Variants in TBX19 observed in about 807,000 individuals in gnomAD.
The protein encoded by TBX19 is T-box transcription factor TBX19.
Under a neutral mutation model 40.9 loss-of-function variants are expected in TBX19, and 33 were observed. That is an observed-to-expected ratio of 0.81 (90% CI 0.61 to 1.08). The LOEUF is 1.08. Among genes scored for constraint, TBX19 ranks in the 50% least tolerant of loss-of-function variants. TBX19 has a pLI of 0.00. For missense variants in TBX19, 494 were observed against 574.0 expected (o/e 0.86, Z 1.42); for synonymous variants, 220 against 225.0 (o/e 0.98, Z 0.20).
chr1:168,294,770 G>C (rs1649058314), intron 3 of TBX19, among the ~76,000 whole-genome samples: 1 of 151,948 alleles, frequency 6.6e-6, no homozygotes, highest in African/African-American at 2.4e-5. Flanking sequence ...CCAAAGTGTT[G>C]GGATTACAGG....
intron 4 of TBX19, among the ~76,000 whole-genome samples, chr1:168,298,822 C>CCCTTCCTTTCCTTCCTT (rs1553289837): frequency 1.0e-4 from 1 of 9,786 alleles, no homozygotes; most frequent in Admixed American, 9.4e-4. Context: ...TCCCTCCCTT[C>CCCTTCCTTTCCTTCCTT]CTTTCTTTCT....
intron 5 of TBX19, among the ~76,000 whole-genome samples, chr1:168,304,796 G>A (rs1186383243): frequency 6.6e-6 from 1 of 152,230 alleles, no homozygotes; most frequent in African/African-American, 2.4e-5. Context: ...TTTCAGGACT[G>A]GTCATGCATT....
At chr1:168,296,210 G>T (rs1032985978) in intron 3 of TBX19, among the ~76,000 whole-genome samples, 1 of 152,166 alleles carries the variant, frequency 6.6e-6, no homozygotes. Context: ...TAAGCCAAGA[G>T]AAAGACCAGG....
chr1:168,312,970 G>A lies in TBX19; in HGVS notation c.1315G>A (p.Gly439Arg). 1.9e-6 allele frequency: 3 copies of A among 1,614,218 alleles called. No homozygotes were observed. Among genetic ancestry groups the A allele is most frequent in the Non-Finnish European group, 1.7e-6 (2 of 1,180,046 alleles). Residue 439 changes from glycine to arginine, a missense_variant, in exon 8 of 8, where the codon GGG becomes AGG. This residue lies in a region of TBX19 where 284 missense variants were observed against 307.3 expected (regional missense o/e 0.92). Coordinates refer to ENST00000367821, the MANE Select transcript of TBX19 (RefSeq NM_005149.3). ...FAGWGGPGAG[G>R]HHSPSSLDG ...GGGCTGGGGTGGCCCAGGAGCGGGT[G>A]GGCACCATTCTCCTTCCTCACTGGA...
At position 168,312,735 on chromosome 1, in the gene TBX19, C is replaced by T. The variant is rs1479484591; in HGVS notation, c.1080C>T (p.Ser360=). The T allele has an allele frequency of 5.0e-6, 8 of 1,613,768 alleles. No homozygotes were observed. Among genetic ancestry groups the T allele is most frequent in the Admixed American group, 3.3e-5 (2 of 60,014 alleles). ...PSPYPCLWTI[S]NGAGGPSGPG... ...CCTACCCGTGCCTGTGGACCATCAG[C>T]AATGGTGCCGGAGGCCCCAGTGGGC... The change falls in exon 8 of 8, where the codon AGC becomes AGT. Residue 360 remains serine (S), a synonymous_variant. Transcript: ENST00000367821.
At chr1:168,293,927 A>G (rs1395812560) in intron 3 of TBX19, among the ~76,000 whole-genome samples, 1 of 152,130 alleles carries the variant, frequency 6.6e-6, no homozygotes, top group Non-Finnish European at 1.5e-5. Context: ...TAAAGACAAT[A>G]TTTATTTATT....
chr1:168,297,287 C>G (rs1026606636), intron 3 of TBX19, among the ~76,000 whole-genome samples: 1 of 152,190 alleles, frequency 6.6e-6, no homozygotes, highest in African/African-American at 2.4e-5. Flanking sequence ...GGGGCAGGAT[C>G]ACACCTGTGC....
chr1:168,310,210 G>A (rs1218649274), intron 7 of TBX19, among the ~76,000 whole-genome samples: 3 of 151,960 alleles, frequency 2.0e-5, no homozygotes, highest in African/African-American at 7.3e-5. Flanking sequence ...GCTGAGGCAG[G>A]AGTATCACTT....
chr1:168,303,528 A>G (rs1217797120), intron 5 of TBX19, among the ~76,000 whole-genome samples: 1 of 152,222 alleles, frequency 6.6e-6, no homozygotes, highest in Non-Finnish European at 1.5e-5. Context: ...ACCCCAACAA[A>G]GGGTTCTTGG....
chr1:168,285,084 A>C (rs1648772982), intron 1 of TBX19, among the ~76,000 whole-genome samples: 1 of 152,118 alleles, frequency 6.6e-6, no homozygotes, highest in South Asian at 2.1e-4. Context: ...TCTGAAGTTT[A>C]AAATTACAGC....
At position 168,312,926 on chromosome 1, in the gene TBX19, T is replaced by C; in HGVS notation, c.1271T>C (p.Val424Ala). ...ATTGCTGTGTCCACCTGGACAGCAG[T>C]GGCCTCGCATCCCTTCGCGGGCTGG... Reference protein sequence around the residue: ...TSIAVSTWTAVASHPFAGWGG... With the variant: ...TSIAVSTWTAAASHPFAGWGG... The change falls in exon 8 of 8, where the codon GTG becomes GCG. Residue 424 changes from valine to alanine, a missense_variant. Val to Ala is a moderately conservative substitution (Grantham distance 64). Transcript: ENST00000367821. The C allele has an allele frequency of 6.2e-6, 10 of 1,614,270 alleles. No homozygotes were observed. The highest frequency in any genetic ancestry group is 8.5e-6 in the Non-Finnish European group (10 of 1,180,046).
At chr1:168,312,547 C>A (rs1378228030) in intron 7 of TBX19, among the ~76,000 whole-genome samples, 161 bp from the exon 8 acceptor site, 2 of 152,204 alleles carry the variant, frequency 1.3e-5, no homozygotes, top group East Asian at 3.8e-4. Context: ...AGCTTTTCTG[C>A]AGAAACAGGA....
chr1:168,305,082 C>T lies in TBX19; in HGVS notation c.802C>T (p.Leu268=), dbSNP rs759128014. The change falls in exon 6 of 8, where the codon CTG becomes TTG. Residue 268 remains leucine (L), a synonymous_variant. Transcript: ENST00000367821. ...CTCCAATTACCAGTATGCCGCTCCT[C>T]TGCCTCTGCCTGCTCCCCACACCCA... The part of the protein sequence containing the change: ...GNSNYQYAAP[L]PLPAPHTHHG... 11 of 1,614,064 alleles carry T rather than the reference C, an allele frequency of 6.8e-6. No individual in the cohort carries two copies. Among genetic ancestry groups the T allele is most frequent in the Admixed American group, 3.3e-5 (2 of 60,010 alleles).
chr1:168,299,382 T>C (rs1649221750), intron 4 of TBX19, among the ~76,000 whole-genome samples: 1 of 152,210 alleles, frequency 6.6e-6, no homozygotes, highest in Non-Finnish European at 1.5e-5. Flanking sequence ...TAATCTTTCC[T>C]GTTCACCTTA....
chr1:168,289,280 A>G (rs1486676139), intron 1 of TBX19, among the ~76,000 whole-genome samples: 2 of 152,250 alleles, frequency 1.3e-5, no homozygotes, highest in Admixed American at 1.3e-4. Flanking sequence ...TATTATTAAC[A>G]TAATTGAAAA....
chr1:168,308,868 C>A lies in TBX19; in HGVS notation c.1043C>A (p.Pro348Gln). Residue 348 changes from proline to glutamine, a missense_variant, in exon 7 of 8, where the codon CCA becomes CAA. This residue lies in a region of TBX19 where 284 missense variants were observed against 307.3 expected (regional missense o/e 0.92). Coordinates refer to ENST00000367821, the MANE Select transcript of TBX19 (RefSeq NM_005149.3). ...CCCCACACCAACGGACCAATCAATC[C>A]AGGGCCCAGGTAAGACCAACACCAT... Reference protein sequence around the residue: ...SVPHTNGPINPGPSPYPCLWT... With the variant: ...SVPHTNGPINQGPSPYPCLWT... 1 of 1,614,124 alleles carries A rather than the reference C, an allele frequency of 6.2e-7. No homozygotes were observed. The highest frequency in any genetic ancestry group is 8.5e-7 in the Non-Finnish European group (1 of 1,180,024).
rs139504444 is a variant in TBX19, at chr1:168,301,355, C to T, written c.727+872C>T. On this transcript the variant is annotated intron_variant, in intron 5 of 7. Coordinates refer to ENST00000367821, the MANE Select transcript of TBX19 (RefSeq NM_005149.3). ...TTGGCTCACTGCAACCTCCGCCTCC[C>T]GGGTTCAAGTGACTCCTCTCCCTCA... 2.2e-3 allele frequency among the ~76,000 whole-genome samples: 342 copies of T among 152,198 alleles called. 1 individual carries two copies. The highest frequency in any genetic ancestry group is 7.2e-3 in the African/African-American group (300 of 41,524).
chr1:168,297,637 T>A, intron 3 of TBX19, 87 bp from the exon 4 acceptor site: 1 of 1,220,242 alleles, frequency 8.2e-7, no homozygotes, highest in Non-Finnish European at 1.2e-6. Flanking sequence ...AGAGAGGGAA[T>A]TAAACTGGTT....
rs1648934231 is a variant in TBX19, at chr1:168,291,326, A to G, written c.370A>G (p.Ile124Val). Residue 124 changes from isoleucine (I) to valine (V), a missense_variant, in exon 2 of 8, where the codon ATT (isoleucine) becomes GTT (valine). Coordinates refer to ENST00000367821, the MANE Select transcript of TBX19 (RefSeq NM_005149.3). ...GGTCTCCAGCCACAGCTGCGTCTAC[A>G]TTCACCCGGACTCCCCCAACTTTGG... ...PEVSSHSCVYIHPDSPNFGAH... is the reference protein window; with the variant it reads ...PEVSSHSCVYVHPDSPNFGAH... The G allele has an allele frequency of 4.3e-6, 7 of 1,614,200 alleles. No homozygotes were observed. Among genetic ancestry groups the G allele is most frequent in the Non-Finnish European group, 5.1e-6 (6 of 1,180,040 alleles).
Sources: gnomAD v4.1 joint callset for allele counts (sites outside exome capture counted in the v4.1 genomes callset) on GRCh38, gnomAD v4.1.1 for gene constraint, gnomAD v4.1.1 regional missense constraint, MANE v1.5 for transcripts, NCBI Gene and HGNC (gene_info 2026-07-23, HGNC 2026-07-21) for gene names.